The following CCDC85A variants were observed in gnomAD, a reference collection of about 807,000 sequenced individuals.
CCDC85A encodes the protein coiled-coil domain-containing protein 85A.
In CCDC85A, 38 loss-of-function variants were observed where a neutral mutation model predicts 50.2. The ratio of observed to expected loss-of-function variants is 0.76; its 90% CI spans 0.58 to 0.99. CCDC85A has a LOEUF of 0.99. Among genes scored for constraint, CCDC85A ranks in the 50% least tolerant of loss-of-function variants. The pLI, the probability that CCDC85A is intolerant of heterozygous loss-of-function variation, is 0.00. For synonymous variants in CCDC85A, 366 were observed against 301.4 expected (o/e 1.21, Z -2.22); for missense variants, 820 against 742.0 (o/e 1.11, Z -1.22).
rs369278600 is a variant in CCDC85A at position 56,336,279 on chromosome 2, C to T, written c.1241-6600C>T. On this transcript the variant is annotated intron_variant, in intron 2 of 5. Transcript: ENST00000407595. ...AAGCAATTCTCCTGCCTCAGCCTCT[C>T]GAGTAGCGGGAGTACAGGCATGCAC... Among the ~76,000 whole-genome samples, 577 of 152,116 alleles carry T rather than the reference C, an allele frequency of 3.8e-3. 3 individuals are homozygous for T. The highest frequency in any genetic ancestry group is 0.013 in the African/African-American group (547 of 41,512).
intron 3 of CCDC85A, among the ~76,000 whole-genome samples, chr2:56,366,511 C>G (rs72916173): frequency 6.6e-6 from 1 of 152,144 alleles, no homozygotes. Context: ...AACTGTTCAG[C>G]ATTTTTGCAT....
At chr2:56,265,307 G>C (rs1333003678) in intron 2 of CCDC85A, among the ~76,000 whole-genome samples, 1 of 152,166 alleles carries the variant, frequency 6.6e-6, no homozygotes. Context: ...GGAGAGTTCT[G>C]CCTGTGTTCT....
Position 56,184,581 on chromosome 2 carries a change from C to T in CCDC85A, c.-44C>T. 7.3e-7 allele frequency: 1 copy of T among 1,374,808 alleles called. No individual in the cohort carries two copies. 85.2% of individuals were successfully genotyped at this position (1,374,808 alleles called of 1,614,324 possible). A position where few individuals can be genotyped will look rare whatever the true frequency, so the allele number is the denominator to read the frequency against. ...GCCGCGCCCGCGCCTTCGGGAGTCG[C>T]CTCGCCTCTTCCACCCACTTGCACC... is the stretch of plus-strand genomic sequence containing the variant. On this transcript the variant is annotated 5_prime_UTR_variant, in exon 1 of 6. Transcript: ENST00000407595.
chr2:56,189,637 C>T (rs11694444), intron 1 of CCDC85A, among the ~76,000 whole-genome samples: 23,411 of 151,858 alleles, frequency 0.15, 2,244 homozygotes, highest in Non-Finnish European at 0.22. Context: ...ATTTTAGATT[C>T]GGAGAGTACA....
intron 2 of CCDC85A, among the ~76,000 whole-genome samples, chr2:56,331,735 G>A (rs2104294181): frequency 1.3e-5 from 2 of 152,242 alleles, no homozygotes; most frequent in Non-Finnish European, 2.9e-5. Flanking sequence ...TGCTGTTTCA[G>A]AAAACACAGC....
chr2:56,299,788 G>T (rs1672118223), intron 2 of CCDC85A, among the ~76,000 whole-genome samples: 1 of 152,158 alleles, frequency 6.6e-6, no homozygotes. Flanking sequence ...TATTACCCAT[G>T]ATTCCCTGCC....
chr2:56,300,911 T>C (rs1056174802), intron 2 of CCDC85A, among the ~76,000 whole-genome samples: 8 of 152,200 alleles, frequency 5.3e-5, no homozygotes, highest in African/African-American at 1.9e-4. Flanking sequence ...CATTTAATCA[T>C]ATTTATTTTT....
At chr2:56,351,017 A>C (rs1407898633) in intron 3 of CCDC85A, among the ~76,000 whole-genome samples, 1 of 69,980 alleles carries the variant, frequency 1.4e-5, no homozygotes, top group East Asian at 4.6e-4. Context: ...CCCACCCCAC[A>C]ACAGTCCCCA....
At chr2:56,350,724 C>G (rs1179619645) in intron 3 of CCDC85A, among the ~76,000 whole-genome samples, 1 of 149,720 alleles carries the variant, frequency 6.7e-6, no homozygotes, top group Non-Finnish European at 1.5e-5. Flanking sequence ...CTAAGCTGTC[C>G]TCCTCCTCTG....
chr2:56,307,806 C>T (rs1228052226), intron 2 of CCDC85A, among the ~76,000 whole-genome samples: 1 of 152,136 alleles, frequency 6.6e-6, no homozygotes, highest in African/African-American at 2.4e-5. Context: ...TTTTACTTAG[C>T]AAGGCAAGAT....
At chr2:56,233,176 T>C (rs1209837960) in intron 2 of CCDC85A, among the ~76,000 whole-genome samples, 1 of 152,194 alleles carries the variant, frequency 6.6e-6, no homozygotes. Context: ...CAGCTCCTGG[T>C]AGACCTGGGC....
At chr2:56,248,844 G>C (rs530105600) in intron 2 of CCDC85A, among the ~76,000 whole-genome samples, 1 of 152,126 alleles carries the variant, frequency 6.6e-6, no homozygotes, top group African/African-American at 2.4e-5. Flanking sequence ...ACTGGCCAAG[G>C]TCATATGGAT....
chr2:56,185,234 A>G (rs545280108), intron 1 of CCDC85A, among the ~76,000 whole-genome samples: 2 of 152,288 alleles, frequency 1.3e-5, no homozygotes, highest in Admixed American at 1.3e-4. Context: ...GCCGGGTTTC[A>G]GTCAGTTAGG....
chr2:56,361,649 A>G (rs1218585359), intron 3 of CCDC85A, among the ~76,000 whole-genome samples: 1 of 152,206 alleles, frequency 6.6e-6, no homozygotes, highest in East Asian at 1.9e-4. Flanking sequence ...AGGATATTTC[A>G]GAAAGAGGAA....
intron 2 of CCDC85A, among the ~76,000 whole-genome samples, chr2:56,230,191 T>C (rs930291540): frequency 6.6e-6 from 1 of 152,202 alleles, no homozygotes; most frequent in Non-Finnish European, 1.5e-5. Context: ...TTCTTGAGGC[T>C]GGATGAAACT....
At chr2:56,209,116 G>A (rs1028169245) in intron 2 of CCDC85A, among the ~76,000 whole-genome samples, 1 of 152,086 alleles carries the variant, frequency 6.6e-6, no homozygotes, top group Admixed American at 6.6e-5. Context: ...TGCTGCCTGA[G>A]TACGTATCCA....
At chr2:56,325,096 T>C (rs191089045) in intron 2 of CCDC85A, among the ~76,000 whole-genome samples, 2 of 152,238 alleles carry the variant, frequency 1.3e-5, no homozygotes, top group Non-Finnish European at 2.9e-5. Context: ...ATAAAAATTA[T>C]TGATTTAATA....
intron 3 of CCDC85A, among the ~76,000 whole-genome samples, chr2:56,367,287 G>C (rs550436889): frequency 2.6e-5 from 4 of 152,072 alleles, no homozygotes; most frequent in African/African-American, 9.7e-5. Flanking sequence ...TTTCAATTCT[G>C]TTTCTTTTAT....
At chr2:56,216,729 A>ATTTTTTTTTT (rs1677409562) in intron 2 of CCDC85A, among the ~76,000 whole-genome samples, 1 of 133,658 alleles carries the variant, frequency 7.5e-6, no homozygotes, top group Admixed American at 7.2e-5. Context: ...TTGCCACATT[A>ATTTTTTTTTT]TTTTTATCTT....
Sources: allele counts gnomAD v4.1 joint callset (sites outside exome capture counted in the v4.1 genomes callset), GRCh38; gene constraint gnomAD v4.1.1; transcripts MANE v1.5; gene names NCBI Gene and HGNC (gene_info 2026-07-23, HGNC 2026-07-21).